Variants in PRKG1 observed in about 807,000 individuals in gnomAD.
PRKG1 encodes the protein cGMP-dependent protein kinase 1.
A neutral mutation model predicts 88.1 loss-of-function variants in PRKG1; 35 were observed. The ratio of observed to expected loss-of-function variants is 0.40; its 90% CI spans 0.30 to 0.53. The LOEUF (loss-of-function observed/expected upper bound fraction) is 0.53, where lower values mean the gene tolerates loss of function less well. Ranked by LOEUF, PRKG1 falls within the 20% of genes least tolerant of loss-of-function variation. PRKG1 has a pLI of 0.59. For missense variants in PRKG1, 540 were observed against 839.8 expected (o/e 0.64, Z 4.41); for synonymous variants, 303 against 292.5 (o/e 1.04, Z -0.37).
At chr10:51,929,308 T>C (rs1842639651) in intron 5 of PRKG1, among the ~76,000 whole-genome samples, 1 of 151,786 alleles carries the variant, frequency 6.6e-6, no homozygotes, top group African/African-American at 2.4e-5. Context: ...TACATAATCT[T>C]CTTCCTAGCA....
At chr10:51,561,837 G>GATTGGT (rs1248133649) in intron 3 of PRKG1, among the ~76,000 whole-genome samples, 1 of 152,058 alleles carries the variant, frequency 6.6e-6, no homozygotes, top group Non-Finnish European at 1.5e-5. Context: ...AAATGAGAGT[G>GATTGGT]ATTGGTCTAA....
At position 52,133,914 on chromosome 10, in the gene PRKG1, A is replaced by G. The variant is rs766890451; in HGVS notation, c.1001+9A>G. 18 of 1,608,360 alleles carry G rather than the reference A, an allele frequency of 1.1e-5. No homozygotes were observed. Among genetic ancestry groups the G allele is most frequent in the Non-Finnish European group, 1.4e-5 (17 of 1,175,400 alleles). ...CTTGTGATTGACAGAGAGTAAGTAC[A>G]TTGTTTTATTATGTGAATTACACAC... is the stretch of plus-strand genomic sequence containing the variant. On this transcript the variant is annotated intron_variant, in intron 8 of 17. Transcript: ENST00000373980.
At chr10:51,114,883 A>G (rs1365519672) in intron 1 of PRKG1, among the ~76,000 whole-genome samples, 2 of 152,212 alleles carry the variant, frequency 1.3e-5, no homozygotes, top group African/African-American at 2.4e-5. Flanking sequence ...ATGGTATTTT[A>G]TCCTGGAAAT....
At chr10:51,564,179 G>C (rs1837540773) in intron 3 of PRKG1, among the ~76,000 whole-genome samples, 1 of 151,722 alleles carries the variant, frequency 6.6e-6, no homozygotes, top group Admixed American at 6.6e-5. Context: ...ACTTTTTTAT[G>C]TACTAAGGAG....
intron 2 of PRKG1, among the ~76,000 whole-genome samples, chr10:51,156,324 C>CACACACACACACACACA (rs1564620908): frequency 1.5e-4 from 21 of 139,764 alleles, no homozygotes; most frequent in South Asian, 4.3e-4. Flanking sequence ...AACACACACA[C>CACACACACACACACACA]CCGAATGTAA....
chr10:51,366,451 CTGAT>C (rs1842592188), intron 2 of PRKG1, among the ~76,000 whole-genome samples: 1 of 151,938 alleles, frequency 6.6e-6, no homozygotes, highest in Non-Finnish European at 1.5e-5. Context: ...TTGGAAGCGT[CTGAT>C]CAGCCCATAC....
chr10:51,336,594 G>A (rs371444255), intron 2 of PRKG1, among the ~76,000 whole-genome samples: 43 of 152,170 alleles, frequency 2.8e-4, no homozygotes, highest in Non-Finnish European at 5.0e-4. Flanking sequence ...TTCTGCAACC[G>A]CTACCATCCC....
At chr10:51,645,821 G>T (rs190057832) in intron 3 of PRKG1, among the ~76,000 whole-genome samples, 10 of 152,074 alleles carry the variant, frequency 6.6e-5, no homozygotes, top group African/African-American at 2.4e-4. Context: ...ACAATTAAAG[G>T]CTCAGAAAAA....
chr10:51,670,594 G>A (rs962759860), intron 3 of PRKG1, among the ~76,000 whole-genome samples: 1 of 148,936 alleles, frequency 6.7e-6, no homozygotes, highest in Non-Finnish European at 1.5e-5. Context: ...AAATTAGCCG[G>A]GCGTAGTGGC....
chr10:51,621,397 GTC>G (rs1362605667), intron 3 of PRKG1, among the ~76,000 whole-genome samples: 4 of 151,842 alleles, frequency 2.6e-5, no homozygotes, highest in African/African-American at 7.3e-5. Context: ...TTTTTTAAAT[GTC>G]TCTTTTTATT....
chr10:51,572,754 A>T (rs1413312024), intron 3 of PRKG1, among the ~76,000 whole-genome samples: 1 of 151,440 alleles, frequency 6.6e-6, no homozygotes, highest in East Asian at 1.9e-4. Context: ...TCTGATATGC[A>T]CGATAGCTTG....
chr10:52,173,818 G>A (rs1838779557), intron 9 of PRKG1, among the ~76,000 whole-genome samples: 1 of 152,098 alleles, frequency 6.6e-6, no homozygotes, highest in Non-Finnish European at 1.5e-5. Context: ...GCATACTGAA[G>A]AATAACAATC....
chr10:51,160,734 C>CT (rs1263272575), intron 2 of PRKG1, among the ~76,000 whole-genome samples: 1 of 152,236 alleles, frequency 6.6e-6, no homozygotes, highest in Admixed American at 6.5e-5. Context: ...TGTCCTCTCC[C>CT]TTTTTTACTG....
intron 2 of PRKG1, among the ~76,000 whole-genome samples, chr10:51,467,451 G>C (rs1839936249): frequency 1.3e-5 from 2 of 151,850 alleles, no homozygotes; most frequent in Non-Finnish European, 1.5e-5. Flanking sequence ...AACAGATTTG[G>C]AATAATATTA....
rs557813358 is a variant in PRKG1, at chr10:51,163,849, G to A, written c.478+10519G>A. Among the ~76,000 whole-genome samples the A allele has an allele frequency of 1.4e-3, 214 of 152,306 alleles. 1 individual carries two copies. The highest frequency in any genetic ancestry group is 2.0e-3 in the Non-Finnish European group (135 of 68,014). On this transcript the variant is annotated intron_variant, in intron 2 of 17. Coordinates refer to ENST00000373980, the MANE Select transcript of PRKG1 (RefSeq NM_006258.4). ...GCCGCAGCGAGGCTGGGGGAGGGGC[G>A]CCTGCCATTGCCCAGGCTCGCTTAG...
At chr10:51,868,857 A>G (rs542345219) in intron 4 of PRKG1, among the ~76,000 whole-genome samples, 2 of 152,336 alleles carry the variant, frequency 1.3e-5, no homozygotes, top group East Asian at 3.9e-4. Context: ...GATATCAAGG[A>G]TAAACTAGAC....
At chr10:51,845,028 T>TAA (rs1188506675) in intron 4 of PRKG1, among the ~76,000 whole-genome samples, 1 of 152,150 alleles carries the variant, frequency 6.6e-6, no homozygotes, top group East Asian at 1.9e-4. Flanking sequence ...AATGTAGATG[T>TAA]GAAAAAATTT....
chr10:51,359,100 TAGA>T (rs1842426135), intron 2 of PRKG1, among the ~76,000 whole-genome samples: 1 of 151,914 alleles, frequency 6.6e-6, no homozygotes, highest in Non-Finnish European at 1.5e-5. Context: ...TTAATGGTTT[TAGA>T]AGATTATGCA....
chr10:51,712,986 T>C (rs1174852796), intron 3 of PRKG1, among the ~76,000 whole-genome samples: 1 of 148,692 alleles, frequency 6.7e-6, no homozygotes, highest in East Asian at 1.9e-4. Context: ...TTTTTTTTTT[T>C]GATGGATGAG....
Sources: gnomAD v4.1 joint callset for allele counts (sites outside exome capture counted in the v4.1 genomes callset) on GRCh38, gnomAD v4.1.1 for gene constraint, MANE v1.5 for transcripts, NCBI Gene and HGNC (gene_info 2026-07-23, HGNC 2026-07-21) for gene names.